Variants in HIVEP3 observed in about 807,000 individuals in gnomAD.
HIVEP3 encodes the protein HIVEP zinc finger 3.
HIVEP3 carries 49 observed loss-of-function variants against 152.8 expected under a neutral mutation model. That is an observed-to-expected ratio of 0.32 (90% CI 0.26 to 0.41). The LOEUF (loss-of-function observed/expected upper bound fraction) is 0.41, where lower values mean the gene tolerates loss of function less well. Among genes scored for constraint, HIVEP3 ranks in the 10% least tolerant of loss-of-function variants. The probability of loss-of-function intolerance (pLI) is 1.00; values close to 1 mark genes in which losing one functional copy is unlikely to be tolerated. For synonymous variants in HIVEP3, 1,269 were observed against 1,289.0 expected, an observed-to-expected ratio of 0.98 and a Z score of 0.33; for missense variants, 2,790 against 3,103.3, an observed-to-expected ratio of 0.90 and a Z score of 2.40.
At chr1:41,578,177 A>C (rs1644353759) in intron 4 of HIVEP3, among the ~76,000 whole-genome samples, 1 of 152,234 alleles carries the variant, frequency 6.6e-6, no homozygotes, top group African/African-American at 2.4e-5. Flanking sequence ...TGGTCTCCTC[A>C]TCTATGAAAT....
chr1:41,722,500 TCC>T (rs1558211570), intron 1 of HIVEP3, among the ~76,000 whole-genome samples: 1 of 115,944 alleles, frequency 8.6e-6, no homozygotes, highest in Non-Finnish European at 1.8e-5. Flanking sequence ...CCCCTCCCCT[TCC>T]CTTCCCTTCC....
At chr1:41,567,459 G>A (rs1261303735) in intron 5 of HIVEP3, among the ~76,000 whole-genome samples, 1 of 152,212 alleles carries the variant, frequency 6.6e-6, no homozygotes, top group Non-Finnish European at 1.5e-5. Flanking sequence ...CTCATGTGAT[G>A]GGGGCTGGAC....
Position 41,510,407 on chromosome 1 carries a change from T to C in HIVEP3, c.*44A>G. 7.1e-7 allele frequency: 1 copy of C among 1,416,210 alleles called. No homozygotes were observed. The highest frequency in any genetic ancestry group is 9.3e-7 in the Non-Finnish European group (1 of 1,078,954). 87.7% of individuals were successfully genotyped at this position (1,416,210 alleles called of 1,614,324 possible). A position where few individuals can be genotyped will look rare whatever the true frequency, so the allele number is the denominator to read the frequency against. ...CGAGGAAAGTGGCTGGAAACGTCTG[T>C]TGCTGGACACTGGAAGCCAGATGCT... is the stretch of plus-strand genomic sequence containing the variant. On this transcript the variant is annotated 3_prime_UTR_variant, in exon 9 of 9. Coordinates refer to ENST00000372583, the MANE Select transcript of HIVEP3 (RefSeq NM_024503.5).
rs143950726 is a variant in HIVEP3 at position 41,722,429 on chromosome 1, C to T, written c.-800-21434G>A. The stretch of plus-strand genomic sequence containing the variant: ...CCTTCCTTCCTTCCTTCCTTCCTTC[C>T]TTCCTTCCTTCCTTCCTTCTTTCCT... On this transcript the variant is annotated intron_variant, in intron 1 of 8. Coordinates refer to ENST00000372583, the MANE Select transcript of HIVEP3 (RefSeq NM_024503.5). Among the ~76,000 whole-genome samples the T allele has an allele frequency of 2.7e-5, 4 of 147,336 alleles. No homozygotes were observed. In the East Asian group the frequency reaches 8.2e-4, roughly 30 times the overall value.
intron 5 of HIVEP3, among the ~76,000 whole-genome samples, chr1:41,570,813 G>A (rs763240090): frequency 6.6e-6 from 1 of 152,208 alleles, no homozygotes; most frequent in Non-Finnish European, 1.5e-5. Context: ...GGTGTGAGGA[G>A]CCCAAAGGCC....
Position 41,928,077 on chromosome 1 carries a change from A to AAG in HIVEP3, n.120-9554_120-9553insCT, listed in dbSNP as rs1481194816. 2.6e-5 allele frequency among the ~76,000 whole-genome samples: 4 copies of AAG among 151,952 alleles called. No individual in the cohort carries two copies. The East Asian group carries it at 7.7e-4, about 29-fold the overall frequency. On this transcript the variant is annotated intron_variant and non_coding_transcript_variant, in intron 1 of 3. Transcript: ENST00000489103. ...CTCCATCTCAAAAAAAAAAAAAAAAAAAAGGCTTGTAAAAGCATGTATTGC... is the reference window on the plus strand; with the variant it reads ...CTCCATCTCAAAAAAAAAAAAAAAAAAGAAAGGCTTGTAAAAGCATGTATTGC...
At chr1:41,882,124 AT>A (rs1644271556) in intron 1 of HIVEP3, among the ~76,000 whole-genome samples, 4 of 152,220 alleles carry the variant, frequency 2.6e-5, no homozygotes, top group Admixed American at 2.6e-4. Context: ...CACACAATGT[AT>A]TTTAAGGAAT....
intron 1 of HIVEP3, among the ~76,000 whole-genome samples, chr1:41,811,657 C>T (rs1469732224): frequency 6.6e-6 from 1 of 151,894 alleles, no homozygotes; most frequent in Non-Finnish European, 1.5e-5. Flanking sequence ...AACCATCGTG[C>T]TGTGCTGCCA....
At chr1:41,571,832 G>C (rs1644255285) in intron 5 of HIVEP3, among the ~76,000 whole-genome samples, 1 of 152,212 alleles carries the variant, frequency 6.6e-6, no homozygotes, top group Non-Finnish European at 1.5e-5. Context: ...ACTGGATCCT[G>C]TAGGTGAGGC....
In HIVEP3 at chr1:41,511,669, T is replaced by C. The variant is rs994396624; in HGVS notation, c.6406-403A>G. On this transcript the variant is annotated intron_variant, in intron 8 of 8. Transcript: ENST00000372583. The surrounding 1 kb of genome is among the most constrained non-coding windows in gnomAD (Gnocchi z 4.9). ...TCACTCTTGGACATGAGTTCCCACCTGAGGCTCTTTGCCCTTCTGCTACCT... is the reference window on the plus strand; with the variant it reads ...TCACTCTTGGACATGAGTTCCCACCCGAGGCTCTTTGCCCTTCTGCTACCT... Among the ~76,000 whole-genome samples, 3 of 152,322 alleles carry C rather than the reference T, an allele frequency of 2.0e-5. No individual in the cohort carries two copies. The highest frequency in any genetic ancestry group is 7.2e-5 in the African/African-American group (3 of 41,576).
intron 1 of HIVEP3, among the ~76,000 whole-genome samples, chr1:41,916,327 C>A (rs1644870907): frequency 1.3e-5 from 2 of 152,172 alleles, no homozygotes; most frequent in Non-Finnish European, 2.9e-5. Flanking sequence ...GCCCTCAAAG[C>A]AAACCCACTG....
intron 1 of HIVEP3, among the ~76,000 whole-genome samples, chr1:41,974,168 G>A (rs146409901): frequency 6.6e-6 from 1 of 152,070 alleles, no homozygotes; most frequent in African/African-American, 2.4e-5. Context: ...GCACAAGAGA[G>A]AAAAGGGGCA....
At chr1:41,529,541 C>CCT (rs144472421) in intron 5 of HIVEP3, among the ~76,000 whole-genome samples, 26,272 of 84,580 alleles carry the variant, frequency 0.31, 5,433 homozygotes, top group Non-Finnish European at 0.37. Flanking sequence ...CTCACACACC[C>CCT]GACTCTCCTC....
chr1:41,747,000 A>T (rs1307503994), intron 1 of HIVEP3, among the ~76,000 whole-genome samples: 1 of 152,030 alleles, frequency 6.6e-6, no homozygotes, highest in African/African-American at 2.4e-5. Flanking sequence ...TGGGTCAGGG[A>T]GCATGAAATC....
At chr1:41,754,788 C>T (rs1047147046) in intron 1 of HIVEP3, among the ~76,000 whole-genome samples, 1 of 152,064 alleles carries the variant, frequency 6.6e-6, no homozygotes, top group Non-Finnish European at 1.5e-5. Context: ...CAAAGAAATG[C>T]AATTTAAAAT....
intron 1 of HIVEP3, among the ~76,000 whole-genome samples, chr1:41,738,567 G>C (rs1157617587): frequency 6.6e-6 from 1 of 152,150 alleles, no homozygotes; most frequent in Admixed American, 6.5e-5. Context: ...AAAGATAGTA[G>C]AGTCTGAGGC....
chr1:41,548,494 T>C (rs1216629968), intron 5 of HIVEP3, among the ~76,000 whole-genome samples: 2 of 152,076 alleles, frequency 1.3e-5, no homozygotes, highest in African/African-American at 4.8e-5. Context: ...AAAATTGTGG[T>C]AACAAATACA....
chr1:41,696,820 G>A (rs957104245), intron 2 of HIVEP3, among the ~76,000 whole-genome samples: 6 of 152,070 alleles, frequency 3.9e-5, no homozygotes, highest in Non-Finnish European at 7.3e-5. Context: ...GCCCAGTCAC[G>A]GATGTGGAAT....
At chr1:41,586,565 T>C (rs1025273611) in intron 3 of HIVEP3, among the ~76,000 whole-genome samples, 1 of 137,602 alleles carries the variant, frequency 7.3e-6, no homozygotes, top group Non-Finnish European at 1.7e-5. Context: ...ACCCCCGGCA[T>C]CCTGCCCTCA....
Sources: gnomAD v4.1 joint callset for allele counts (sites outside exome capture counted in the v4.1 genomes callset) on GRCh38, gnomAD v4.1.1 for gene constraint, Gnocchi (gnomAD v3.1) non-coding constraint, MANE v1.5 for transcripts, NCBI Gene and HGNC (gene_info 2026-07-23, HGNC 2026-07-21) for gene names.